PHTF2: variants seen among roughly 807,000 people sequenced by gnomAD.
PHTF2 encodes the protein putative homeodomain transcription factor 2.
A neutral mutation model predicts 101.2 loss-of-function variants in PHTF2; 60 were observed. The ratio of observed to expected loss-of-function variants is 0.59; its 90% CI spans 0.48 to 0.73. The LOEUF is 0.73. Among genes scored for constraint, PHTF2 ranks in the 30% least tolerant of loss-of-function variants. The pLI, the probability that PHTF2 is intolerant of heterozygous loss-of-function variation, is 0.00. For missense variants in PHTF2, 747 were observed against 908.7 expected, an observed-to-expected ratio of 0.82 and a Z score of 2.29; for synonymous variants, 311 against 307.3, an observed-to-expected ratio of 1.01 and a Z score of -0.13.
chr7:77,886,058 G>T (rs1208091079), intron 3 of PHTF2, among the ~76,000 whole-genome samples: 1 of 152,054 alleles, frequency 6.6e-6, no homozygotes, highest in African/African-American at 2.4e-5. Flanking sequence ...GCAAATCTGG[G>T]TCTCTTTTTG....
rs375031455 is a variant in PHTF2, at chr7:77,801,591, A to G, written c.-36+2620A>G. Among the ~76,000 whole-genome samples, 58 of 152,328 alleles carry G rather than the reference A, an allele frequency of 3.8e-4. 1 individual carries two copies. The South Asian group carries it at 0.012, about 30-fold the overall frequency. ...CAGAGCAAGACACCGTCTCAAAAACAAAAACAAAACAAAACAAAAAAACAG... is the reference window on the plus strand; with the variant it reads ...CAGAGCAAGACACCGTCTCAAAAACGAAAACAAAACAAAACAAAAAAACAG... On this transcript the variant is annotated intron_variant, in intron 1 of 19. Transcript: ENST00000416283.
intron 1 of PHTF2, among the ~76,000 whole-genome samples, chr7:77,836,274 C>T (rs989771195): frequency 5.3e-5 from 8 of 152,016 alleles, no homozygotes; most frequent in Admixed American, 6.6e-5. Flanking sequence ...TCCTGGATAG[C>T]AGAGGCAGAA....
chr7:77,865,749 A>G (rs1181842444), intron 3 of PHTF2, among the ~76,000 whole-genome samples: 1 of 152,198 alleles, frequency 6.6e-6, no homozygotes, highest in African/African-American at 2.4e-5. Flanking sequence ...GACAGTATTT[A>G]TATTAAACTT....
intron 1 of PHTF2, among the ~76,000 whole-genome samples, chr7:77,834,885 G>A (rs1176795653): frequency 2.6e-5 from 4 of 152,274 alleles, no homozygotes; most frequent in South Asian, 4.1e-4. Flanking sequence ...GACCTGTGTG[G>A]CCACATACTG....
At chr7:77,849,264 C>G (rs1484154202) in intron 2 of PHTF2, among the ~76,000 whole-genome samples, 1 of 151,832 alleles carries the variant, frequency 6.6e-6, no homozygotes. Flanking sequence ...GCTGGGATTA[C>G]AGGCATGCGC....
intron 2 of PHTF2, among the ~76,000 whole-genome samples, chr7:77,844,937 A>T (rs1796161541): frequency 6.6e-6 from 1 of 152,250 alleles, no homozygotes; most frequent in African/African-American, 2.4e-5. Context: ...ATAATTTTAA[A>T]ATTCCTGTTG....
intron 9 of PHTF2, among the ~76,000 whole-genome samples, chr7:77,918,128 G>T (rs1356951125): frequency 2.6e-5 from 4 of 152,172 alleles, no homozygotes; most frequent in African/African-American, 7.2e-5. Context: ...GTTAAGGAAA[G>T]AATACATTCT....
At chr7:77,888,443 C>T (rs1024665452) in intron 3 of PHTF2, among the ~76,000 whole-genome samples, 4 of 152,262 alleles carry the variant, frequency 2.6e-5, no homozygotes, top group Non-Finnish European at 5.9e-5. Context: ...TTAAAGAAAC[C>T]TCTTTTCTGT....
intron 3 of PHTF2, among the ~76,000 whole-genome samples, chr7:77,880,495 G>C (rs1799316765): frequency 6.6e-6 from 1 of 152,054 alleles, no homozygotes; most frequent in Non-Finnish European, 1.5e-5. Flanking sequence ...CTCACACCAA[G>C]ATGTCTTACA....
At chr7:77,880,265 T>A (rs1354624413) in intron 3 of PHTF2, among the ~76,000 whole-genome samples, 1 of 152,220 alleles carries the variant, frequency 6.6e-6, no homozygotes, top group Non-Finnish European at 1.5e-5. Flanking sequence ...ATTCGTTAAG[T>A]TGTCAAACTA....
intron 9 of PHTF2, among the ~76,000 whole-genome samples, chr7:77,916,626 C>T (rs2150897032): frequency 6.6e-6 from 1 of 152,152 alleles, no homozygotes; most frequent in African/African-American, 2.4e-5. Flanking sequence ...GGGATACCTC[C>T]ACCCACCACC....
chr7:77,865,661 A>G (rs1162697709), intron 3 of PHTF2, among the ~76,000 whole-genome samples: 1 of 152,202 alleles, frequency 6.6e-6, no homozygotes, highest in East Asian at 1.9e-4. Flanking sequence ...TTATCTTTAT[A>G]TCGCCATTAT....
intron 13 of PHTF2, 34 bp downstream of exon 12, chr7:77,937,872 G>T: frequency 8.3e-7 from 1 of 1,205,490 alleles, no homozygotes; most frequent in South Asian, 1.8e-5. Context: ...GTAGTTCAAG[G>T]GTAAGACTTA....
intron 9 of PHTF2, 91 bp downstream of exon 8, chr7:77,910,500 T>G: frequency 2.4e-6 from 2 of 825,564 alleles, no homozygotes; most frequent in Non-Finnish European, 1.9e-6. Context: ...TTAATTACTT[T>G]AAATGTGACA....
At chr7:77,942,936 G>T in intron 16 of PHTF2, 150 bp downstream of exon 15, 1 of 509,324 alleles carries the variant, frequency 2.0e-6, no homozygotes, top group Non-Finnish European at 3.4e-6. Flanking sequence ...GAATAAATAA[G>T]TGCATCTTAT....
intron 1 of PHTF2, among the ~76,000 whole-genome samples, chr7:77,839,327 G>C (rs906435391): frequency 8.5e-5 from 13 of 152,306 alleles, no homozygotes; most frequent in African/African-American, 2.9e-4. Context: ...TTCTGGAGTT[G>C]ATGGGAATCA....
intron 9 of PHTF2, among the ~76,000 whole-genome samples, chr7:77,910,819 T>G (rs62462692): frequency 0.083 from 12,598 of 152,154 alleles, 750 homozygotes; most frequent in Non-Finnish European, 0.12. Flanking sequence ...TTTTTTGTAT[T>G]TTTAGTAGAG....
chr7:77,936,995 A>T (rs1282600585), intron 12 of PHTF2, among the ~76,000 whole-genome samples: 1 of 152,030 alleles, frequency 6.6e-6, no homozygotes, highest in Admixed American at 6.6e-5. Flanking sequence ...AAATAAAAAA[A>T]TTAGCCAGGC....
intron 9 of PHTF2, among the ~76,000 whole-genome samples, chr7:77,913,801 T>G (rs896847025): frequency 6.6e-6 from 1 of 152,160 alleles, no homozygotes; most frequent in Admixed American, 6.5e-5. Flanking sequence ...ATACTAAGGC[T>G]AAAAGTGACA....
Sources: allele counts gnomAD v4.1 joint callset (sites outside exome capture counted in the v4.1 genomes callset), GRCh38; gene constraint gnomAD v4.1.1; transcripts MANE v1.5; gene names NCBI Gene and HGNC (gene_info 2026-07-23, HGNC 2026-07-21).